The following FOXP2 variants were observed in gnomAD, a reference collection of about 807,000 sequenced individuals.
FOXP2 encodes forkhead box protein P2.
In FOXP2, 12 loss-of-function variants were observed where a neutral mutation model predicts 115.8. That is an observed-to-expected ratio of 0.10 (90% confidence interval 0.07 to 0.17). The LOEUF (loss-of-function observed/expected upper bound fraction) is 0.17. Among genes scored for constraint, FOXP2 ranks in the 10% least tolerant of loss-of-function variants. FOXP2 has a pLI of 1.00. For missense variants in FOXP2, 629 were observed against 843.5 expected, an observed-to-expected ratio of 0.75 and a Z score of 3.15; for synonymous variants, 328 against 297.7, an observed-to-expected ratio of 1.10 and a Z score of -1.05.
chr7:114,254,400 T>C (rs573519702), intron 1 of FOXP2, among the ~76,000 whole-genome samples: 2 of 152,320 alleles, frequency 1.3e-5, no homozygotes, highest in South Asian at 2.1e-4. Context: ...TCCAACTTGG[T>C]TCCATTCTCC....
At chr7:114,160,345 G>A (rs887027995), upstream of FOXP2, among the ~76,000 whole-genome samples, 4 of 152,004 alleles carry the variant, frequency 2.6e-5, no homozygotes, top group Non-Finnish European at 5.9e-5. Flanking sequence ...ATTGTTTTCT[G>A]AGCCCCAAAA....
At chr7:114,478,242 C>T (rs1431263760) in intron 2 of FOXP2, among the ~76,000 whole-genome samples, 1 of 151,784 alleles carries the variant, frequency 6.6e-6, no homozygotes, top group Non-Finnish European at 1.5e-5. Flanking sequence ...GGGAATTTCA[C>T]CAAACTCTAC....
chr7:114,200,336 C>T (rs1044194647), intron 1 of FOXP2, among the ~76,000 whole-genome samples: 5 of 152,120 alleles, frequency 3.3e-5, no homozygotes, highest in Non-Finnish European at 7.4e-5. Context: ...ATGATCCTGA[C>T]ATAGATATAA....
chr7:114,254,388 T>C (rs1220456989), intron 1 of FOXP2, among the ~76,000 whole-genome samples: 1 of 152,198 alleles, frequency 6.6e-6, no homozygotes, highest in Non-Finnish European at 1.5e-5. Context: ...TGCAGAGTGT[T>C]TTCCAACTTG....
chr7:114,173,852 A>G (rs968738810), intron 1 of FOXP2, among the ~76,000 whole-genome samples: 1 of 152,028 alleles, frequency 6.6e-6, no homozygotes, highest in Non-Finnish European at 1.5e-5. Context: ...GAATAAAGCA[A>G]TGCTTATAGT....
intron 1 of FOXP2, among the ~76,000 whole-genome samples, chr7:114,250,837 A>G (rs1795422934): frequency 6.6e-6 from 1 of 152,058 alleles, no homozygotes; most frequent in Non-Finnish European, 1.5e-5. Context: ...TTTTGTTGCC[A>G]TTGCTTTTGG....
intron 1 of FOXP2, among the ~76,000 whole-genome samples, chr7:114,285,200 T>G (rs1452144104): frequency 1.3e-5 from 2 of 152,074 alleles, no homozygotes; most frequent in African/African-American, 2.4e-5. Context: ...GTTTTTTGGG[T>G]TTTTTTGGTA....
intron 1 of FOXP2, among the ~76,000 whole-genome samples, chr7:114,090,499 A>G (rs943789038): frequency 6.6e-6 from 1 of 151,848 alleles, no homozygotes; most frequent in Non-Finnish European, 1.5e-5. Flanking sequence ...TTTCAAAAAC[A>G]ACTTTATTTA....
chr7:114,461,067 AT>A (rs1003839303), intron 2 of FOXP2, among the ~76,000 whole-genome samples: 1 of 152,036 alleles, frequency 6.6e-6, no homozygotes, highest in East Asian at 1.9e-4. Context: ...CCTCTAGTGC[AT>A]TTTTTTTAAG....
chr7:114,499,919 C>A (rs1360715129), intron 2 of FOXP2, among the ~76,000 whole-genome samples: 2 of 151,810 alleles, frequency 1.3e-5, no homozygotes, highest in African/African-American at 2.4e-5. Flanking sequence ...AAAATGGAAT[C>A]AAAAATGTAA....
intron 2 of FOXP2, among the ~76,000 whole-genome samples, chr7:114,437,590 TAGAGTGTTAC>T (rs542521289): frequency 5.7e-4 from 87 of 152,296 alleles, no homozygotes; most frequent in African/African-American, 1.9e-3. Context: ...AATAGATTAG[TAGAGTGTTAC>T]ACATGTAAGT....
At chr7:114,306,054 T>G (rs190893941) in intron 2 of FOXP2, among the ~76,000 whole-genome samples, 138 of 152,272 alleles carry the variant, frequency 9.1e-4, no homozygotes, top group African/African-American at 3.2e-3. Flanking sequence ...CATCACTTTC[T>G]GTGCTACTCC....
At chr7:114,096,037 ATC>A (rs1306146615) in intron 1 of FOXP2, among the ~76,000 whole-genome samples, 1 of 152,126 alleles carries the variant, frequency 6.6e-6, no homozygotes, top group Non-Finnish European at 1.5e-5. Flanking sequence ...TTAGAGCTTC[ATC>A]TAGGTTGTTT....
At chr7:114,385,812 A>T (rs997225854) in intron 2 of FOXP2, among the ~76,000 whole-genome samples, 12 of 151,978 alleles carry the variant, frequency 7.9e-5, no homozygotes, top group African/African-American at 2.9e-4. Context: ...AGCTCCCAAG[A>T]TGGTGGCGAG....
chr7:114,604,921 T>C (rs1803230506), intron 3 of FOXP2, among the ~76,000 whole-genome samples: 1 of 152,196 alleles, frequency 6.6e-6, no homozygotes, highest in Non-Finnish European at 1.5e-5. Flanking sequence ...CAGTCCCAAT[T>C]CTACCTCTTA....
chr7:114,281,944 G>T (rs972839210), intron 1 of FOXP2, among the ~76,000 whole-genome samples: 1 of 152,048 alleles, frequency 6.6e-6, no homozygotes, highest in African/African-American at 2.4e-5. Flanking sequence ...CTGAGGGGTA[G>T]GTCAGTCAGG....
intron 1 of FOXP2, among the ~76,000 whole-genome samples, chr7:114,171,224 T>C (rs1185064560): frequency 2.0e-5 from 3 of 152,184 alleles, no homozygotes; most frequent in Non-Finnish European, 2.9e-5. Context: ...TTTAAGCCCA[T>C]TGTTGAGGCC....
intron 2 of FOXP2, among the ~76,000 whole-genome samples, chr7:114,288,668 A>G (rs1159330606): frequency 6.6e-5 from 10 of 151,698 alleles, no homozygotes; most frequent in African/African-American, 2.2e-4. Context: ...TTTAAATCTC[A>G]TGATAGTTTT....
At chr7:114,148,554 G>T (rs1043827174) in intron 1 of FOXP2, among the ~76,000 whole-genome samples, 1 of 152,166 alleles carries the variant, frequency 6.6e-6, no homozygotes, top group African/African-American at 2.4e-5. Context: ...TTTTGCATTA[G>T]TTGGTGCAGA....
Sources: allele counts gnomAD v4.1 joint callset (sites outside exome capture counted in the v4.1 genomes callset), GRCh38; gene constraint gnomAD v4.1.1; transcripts MANE v1.5; gene names NCBI Gene and HGNC (gene_info 2026-07-23, HGNC 2026-07-21).